CTNNA2: variants seen among roughly 807,000 people sequenced by gnomAD.
CTNNA2 encodes the protein catenin alpha-2.
In CTNNA2, 42 loss-of-function variants were observed where a neutral mutation model predicts 101.0. The observed-to-expected ratio is 0.42, with a 90% CI of 0.32 to 0.54. The LOEUF is 0.54. Ranked by LOEUF, CTNNA2 falls within the 20% of genes least tolerant of loss-of-function variation. The probability of loss-of-function intolerance (pLI) is 0.14; values close to 1 mark genes in which losing one functional copy is unlikely to be tolerated. For missense variants in CTNNA2, 871 were observed against 1,223.1 expected, an observed-to-expected ratio of 0.71 and a Z score of 4.29; for synonymous variants, 450 against 456.4, an observed-to-expected ratio of 0.99 and a Z score of 0.18.
intron 3 of CTNNA2, among the ~76,000 whole-genome samples, chr2:79,802,021 A>G (rs1676203648): frequency 6.6e-6 from 1 of 151,380 alleles, no homozygotes; most frequent in Non-Finnish European, 1.5e-5. Context: ...AAATGAAAAA[A>G]GAAAGAAAGA....
At chr2:80,321,785 A>G (rs2149247014) in intron 7 of CTNNA2, among the ~76,000 whole-genome samples, 1 of 152,288 alleles carries the variant, frequency 6.6e-6, no homozygotes, top group East Asian at 1.9e-4. Flanking sequence ...AGTAATGGGA[A>G]ATGTTAATGT....
At chr2:80,447,916 A>G (rs1012908657) in intron 9 of CTNNA2, among the ~76,000 whole-genome samples, 1 of 152,230 alleles carries the variant, frequency 6.6e-6, no homozygotes, top group Non-Finnish European at 1.5e-5. Context: ...GCCAGGGTGA[A>G]ACTAATCTTT....
At chr2:80,210,325 T>C (rs1266632215) in intron 7 of CTNNA2, among the ~76,000 whole-genome samples, 8 of 152,186 alleles carry the variant, frequency 5.3e-5, no homozygotes, top group African/African-American at 1.7e-4. Context: ...TAACTCGTCA[T>C]TTATATTAGG....
At chr2:80,555,263 T>C (rs567081164) in intron 11 of CTNNA2, among the ~76,000 whole-genome samples, 3 of 152,378 alleles carry the variant, frequency 2.0e-5, no homozygotes, top group East Asian at 3.9e-4. Context: ...CTTGGTCAGA[T>C]TGACTTCATG....
chr2:79,344,679 A>G (rs1051542184), intron 3 of CTNNA2, among the ~76,000 whole-genome samples: 2 of 151,778 alleles, frequency 1.3e-5, no homozygotes, highest in Non-Finnish European at 2.9e-5. Flanking sequence ...GAAAGAGCAT[A>G]ATGTTTTTTA....
rs183701786 is a variant in CTNNA2 at position 79,786,236 on chromosome 2, G to T, written c.298+41654G>T. ...GAATAAAGAATAGTAAGTAGACATG[G>T]TTTTTTTTTATTTTATTCATTAAAA... On this transcript the variant is annotated intron_variant, in intron 3 of 18. Transcript: ENST00000402739. Among the ~76,000 whole-genome samples the T allele has an allele frequency of 3.7e-3, 564 of 151,522 alleles. 4 individuals carry two copies. The highest frequency in any genetic ancestry group is 0.012 in the African/African-American group (510 of 41,314).
rs144375483 is a variant in CTNNA2, at chr2:79,873,195, G to A, written c.586-881G>A. 5.3e-5 allele frequency among the ~76,000 whole-genome samples: 8 copies of A among 152,298 alleles called. 1 individual carries two copies. In the East Asian group the frequency reaches 1.5e-3, roughly 29 times the overall value. On this transcript the variant is annotated intron_variant, in intron 5 of 18. Transcript: ENST00000402739. Reference sequence around the variant, plus strand: ...ATTTGTAACAGTAATTGAATATGGAGGCAAGTAGGGCCTCAGAAGACTGAC... The same window carrying A: ...ATTTGTAACAGTAATTGAATATGGAAGCAAGTAGGGCCTCAGAAGACTGAC...
chr2:79,850,095 G>C (rs1680554029), intron 3 of CTNNA2, among the ~76,000 whole-genome samples: 1 of 152,014 alleles, frequency 6.6e-6, no homozygotes, highest in African/African-American at 2.4e-5. Flanking sequence ...ATAAGGAGTG[G>C]TGGAGGCTGG....
intron 1 of CTNNA2, among the ~76,000 whole-genome samples, chr2:79,197,489 C>T (rs1188499590): frequency 1.3e-5 from 2 of 151,072 alleles, no homozygotes; most frequent in Non-Finnish European, 3.0e-5. Flanking sequence ...ATTTGGTTTT[C>T]AGTGCTTGTT....
At chr2:80,538,335 T>C (rs551602550) in intron 9 of CTNNA2, among the ~76,000 whole-genome samples, 1 of 152,354 alleles carries the variant, frequency 6.6e-6, no homozygotes, top group Admixed American at 6.5e-5. Context: ...CTAGGTTTTC[T>C]TCTAGGGTTT....
intron 3 of CTNNA2, chr2:79,319,697 C>T (rs1379800290): frequency 6.6e-6 from 1 of 152,150 alleles, no homozygotes; most frequent in Admixed American, 6.5e-5. Context: ...ACCCTATCCT[C>T]CCATTTTTTC....
chr2:79,500,518 T>A lies in CTNNA2; in HGVS notation c.-134-4536T>A, dbSNP rs568284478. On this transcript the variant is annotated intron_variant, in intron 4 of 21. Transcript: ENST00000466387. The stretch of plus-strand genomic sequence containing the variant: ...GAATAATTGAAATACACACAAAAAA[T>A]TGAAAGATTTTTCTAAATCATATTG... 3 of 152,250 alleles carry A rather than the reference T, an allele frequency of 2.0e-5. No homozygotes were observed. In the South Asian group the frequency reaches 6.2e-4, roughly 32 times the overall value. 9.4% of individuals were successfully genotyped at this position (152,250 alleles called of 1,614,324 possible). A position where few individuals can be genotyped will look rare whatever the true frequency, so the allele number is the denominator to read the frequency against.
chr2:80,246,552 G>A (rs1216510293), intron 7 of CTNNA2, among the ~76,000 whole-genome samples: 5 of 152,202 alleles, frequency 3.3e-5, no homozygotes. Context: ...GTATGGACCT[G>A]TTCAGTAGTT....
intron 7 of CTNNA2, among the ~76,000 whole-genome samples, chr2:79,994,568 AG>A (rs1187824946): frequency 6.6e-6 from 1 of 151,958 alleles, no homozygotes; most frequent in African/African-American, 2.4e-5. Flanking sequence ...AGGCACTGCT[AG>A]GTTTTCTTCT....
chr2:80,103,780 G>C (rs1477880179), intron 7 of CTNNA2, among the ~76,000 whole-genome samples: 2 of 152,184 alleles, frequency 1.3e-5, no homozygotes, highest in Non-Finnish European at 2.9e-5. Flanking sequence ...TGTTACCCAG[G>C]CTGGAGTGCA....
At chr2:79,365,244 T>C (rs1677718872) in intron 3 of CTNNA2, among the ~76,000 whole-genome samples, 1 of 151,388 alleles carries the variant, frequency 6.6e-6, no homozygotes, top group Non-Finnish European at 1.5e-5. Flanking sequence ...GTCACTGCAC[T>C]CCAGCCTGGG....
chr2:80,066,899 T>C (rs932685775), intron 7 of CTNNA2, among the ~76,000 whole-genome samples: 1 of 152,160 alleles, frequency 6.6e-6, no homozygotes, highest in African/African-American at 2.4e-5. Flanking sequence ...ATAGAACCTA[T>C]TCAGCCTTTA....
intron 1 of CTNNA2, among the ~76,000 whole-genome samples, chr2:79,633,541 C>T (rs1379032200): frequency 6.6e-6 from 1 of 152,176 alleles, no homozygotes; most frequent in Non-Finnish European, 1.5e-5. Context: ...TTTGAATGAG[C>T]TGTGATTACA....
At chr2:79,475,572 A>G (rs1228311443) in intron 4 of CTNNA2, among the ~76,000 whole-genome samples, 2 of 152,206 alleles carry the variant, frequency 1.3e-5, no homozygotes, top group East Asian at 1.9e-4. Context: ...ATGAATATGT[A>G]CTATGAAGCA....
Sources: allele counts gnomAD v4.1 joint callset (sites outside exome capture counted in the v4.1 genomes callset), GRCh38; gene constraint gnomAD v4.1.1; transcripts MANE v1.5; gene names NCBI Gene and HGNC (gene_info 2026-07-23, HGNC 2026-07-21).